The following ZBTB41 variants were observed in gnomAD, a reference collection of about 807,000 sequenced individuals.
ZBTB41 encodes the protein zinc finger and BTB domain-containing protein 41.
Under a neutral mutation model 87.6 loss-of-function variants are expected in ZBTB41, and 42 were observed. That is an observed-to-expected ratio of 0.48 (90% CI 0.37 to 0.62). ZBTB41 has a LOEUF of 0.62. ZBTB41 is among the 20% of genes least tolerant of loss of function. ZBTB41 has a pLI of 0.00. For missense variants in ZBTB41, 799 were observed against 1,078.9 expected (o/e 0.74, Z 3.63); for synonymous variants, 364 against 364.0 (o/e 1.00, Z 0.00).
chr1:197,160,060 C>T (rs1659162148), intron 10 of ZBTB41, 46 bp from the exon 11 acceptor site: 2 of 1,476,910 alleles, frequency 1.4e-6, no homozygotes, highest in Admixed American at 3.8e-5. Flanking sequence ...ATGTACTCAA[C>T]TTGATAAGAC....
intron 5 of ZBTB41, among the ~76,000 whole-genome samples, chr1:197,184,878 G>C (rs996377248): frequency 1.3e-5 from 2 of 151,834 alleles, no homozygotes; most frequent in African/African-American, 4.8e-5. Flanking sequence ...GCAATAGCGC[G>C]ATCTTGACTC....
intron 10 of ZBTB41, among the ~76,000 whole-genome samples, chr1:197,161,447 T>TTTGTTAAATATTA (rs71131745): frequency 0.77 from 116,243 of 150,374 alleles, 48,535 homozygotes; most frequent in East Asian, 1. Flanking sequence ...CAAACTATTA[T>TTTGTTAAATATTA]TTGTTAAATA....
At chr1:197,168,688 T>C (rs1160656151) in intron 10 of ZBTB41, among the ~76,000 whole-genome samples, 2 of 152,054 alleles carry the variant, frequency 1.3e-5, no homozygotes, top group Non-Finnish European at 2.9e-5. Context: ...AAAATATTAA[T>C]GACCTTGGGT....
At chr1:197,162,292 A>T (rs536419631) in intron 10 of ZBTB41, among the ~76,000 whole-genome samples, 1 of 152,284 alleles carries the variant, frequency 6.6e-6, no homozygotes, top group South Asian at 2.1e-4. Flanking sequence ...AAAGAAATAA[A>T]CCTTCTACAG....
chr1:197,161,185 T>C (rs1255491490), intron 10 of ZBTB41, among the ~76,000 whole-genome samples: 2 of 152,144 alleles, frequency 1.3e-5, no homozygotes, highest in African/African-American at 2.4e-5. Context: ...AACTATACGG[T>C]AATAAATTTG....
rs577535528 is a variant in ZBTB41, at chr1:197,192,292, T to C, written c.1121-393A>G. Reference sequence around the variant, plus strand: ...CATCATTTAAGATTTATTATGTTCATATTTTTGGTATCTCTGTGGGTCCAT... The same window carrying C: ...CATCATTTAAGATTTATTATGTTCACATTTTTGGTATCTCTGTGGGTCCAT... On this transcript the variant is annotated intron_variant, in intron 2 of 10. Coordinates refer to ENST00000367405, the MANE Select transcript of ZBTB41 (RefSeq NM_194314.3). Among the ~76,000 whole-genome samples the C allele has an allele frequency of 3.3e-5, 5 of 152,328 alleles. No individual in the cohort carries two copies. The East Asian group carries it at 9.6e-4, about 29-fold the overall frequency.
At position 197,199,842 on chromosome 1, in the gene ZBTB41, A is replaced by C. The variant is rs766633272; in HGVS notation, c.632T>G (p.Phe211Cys). The C allele has an allele frequency of 1.9e-6, 3 of 1,610,654 alleles. No homozygotes were observed. The highest frequency in any genetic ancestry group is 2.5e-6 in the Non-Finnish European group (3 of 1,178,788). ...GRLSNNHQCK[F>C]CSRHFCYKKS... ...TTTATAACAAAAATGTCTACTACAG[A>C]ATTTGCACTGATGATTATTTGATAG... Residue 211 changes from phenylalanine to cysteine, a missense_variant, in exon 2 of 11, where the codon TTC becomes TGC. Phe to Cys is a radical substitution (Grantham distance 205). Around this residue, in one of 5 missense-constraint regions of ZBTB41, gnomAD observed 294 missense variants for 340.1 expected, o/e 0.86. Transcript: ENST00000367405.
intron 10 of ZBTB41, among the ~76,000 whole-genome samples, chr1:197,161,007 A>G (rs1659188264): frequency 6.6e-6 from 1 of 152,154 alleles, no homozygotes; most frequent in African/African-American, 2.4e-5. Flanking sequence ...TCAGTTTACA[A>G]TAGGCAAGAA....
intron 5 of ZBTB41, among the ~76,000 whole-genome samples, chr1:197,188,039 C>T (rs1165066242): frequency 6.6e-6 from 1 of 152,144 alleles, no homozygotes; most frequent in African/African-American, 2.4e-5. Context: ...GATGTACCAA[C>T]GTAGGTTCTT....
chr1:197,185,784 C>T (rs577661798), intron 5 of ZBTB41, among the ~76,000 whole-genome samples: 2 of 152,102 alleles, frequency 1.3e-5, no homozygotes, highest in African/African-American at 4.8e-5. Context: ...AATCTAACAA[C>T]ATAGGTACAA....
intron 10 of ZBTB41, among the ~76,000 whole-genome samples, chr1:197,164,792 C>CGTATCTAATATATTATATATATT (rs1557975092): frequency 4.6e-5 from 1 of 21,870 alleles, no homozygotes; most frequent in African/African-American, 1.4e-4. Context: ...ATATATAATA[C>CGTATCTAATATATTATATATATT]ATATATAATA....
intron 10 of ZBTB41, among the ~76,000 whole-genome samples, chr1:197,170,634 T>C (rs974105477): frequency 6.6e-6 from 1 of 152,112 alleles, no homozygotes; most frequent in Non-Finnish European, 1.5e-5. Context: ...ATGGTGACCA[T>C]TTCTTGCAAA....
At chr1:197,168,935 G>A (rs1338011813) in intron 10 of ZBTB41, among the ~76,000 whole-genome samples, 1 of 151,896 alleles carries the variant, frequency 6.6e-6, no homozygotes, top group Non-Finnish European at 1.5e-5. Flanking sequence ...AATTAATCTA[G>A]TATTACACAA....
At chr1:197,181,765 A>G (rs1279475613) in intron 5 of ZBTB41, among the ~76,000 whole-genome samples, 1 of 152,206 alleles carries the variant, frequency 6.6e-6, no homozygotes, top group Non-Finnish European at 1.5e-5. Context: ...ATAATAGCAC[A>G]ATGGAAAGAA....
chr1:197,170,021 G>A (rs1039285437), intron 10 of ZBTB41, among the ~76,000 whole-genome samples: 16 of 151,864 alleles, frequency 1.1e-4, no homozygotes, highest in Admixed American at 9.8e-4. Flanking sequence ...AATATTTATT[G>A]AGTGCCAAAC....
intron 6 of ZBTB41, among the ~76,000 whole-genome samples, chr1:197,180,302 A>AAT (rs1396687162): frequency 2.6e-5 from 4 of 152,122 alleles, no homozygotes; most frequent in Admixed American, 1.3e-4. Flanking sequence ...AGGCTATACC[A>AAT]TCTAGGTTTG....
At chr1:197,188,490 A>G in intron 4 of ZBTB41, 51 bp from the exon 5 acceptor site, 1 of 1,477,394 alleles carries the variant, frequency 6.8e-7, no homozygotes, top group Non-Finnish European at 9.1e-7. Context: ...TAAAAATTGT[A>G]ATATTAAGCT....
intron 10 of ZBTB41, among the ~76,000 whole-genome samples, chr1:197,171,094 A>C (rs1659465490): frequency 6.6e-6 from 1 of 152,142 alleles, no homozygotes; most frequent in Non-Finnish European, 1.5e-5. Flanking sequence ...CTAAATTTCT[A>C]CTCAAGTTGT....
In ZBTB41 at chr1:197,157,303, C is replaced by A. The variant is rs1238368175; in HGVS notation, c.*2056G>T. On this transcript the variant is annotated 3_prime_UTR_variant, in exon 11 of 11. Coordinates refer to ENST00000367405, the MANE Select transcript of ZBTB41 (RefSeq NM_194314.3). ...TTTCTGCCACCAAATGTATAATATACCATATACATACATGTATATAAATAT... is the reference window on the plus strand; with the variant it reads ...TTTCTGCCACCAAATGTATAATATAACATATACATACATGTATATAAATAT... 2 of 151,726 alleles carry A rather than the reference C, an allele frequency of 1.3e-5. No individual in the cohort carries two copies. The highest frequency in any genetic ancestry group is 4.8e-5 in the African/African-American group (2 of 41,306). 9.4% of individuals were successfully genotyped at this position (151,726 alleles called of 1,614,324 possible). A position where few individuals can be genotyped will look rare whatever the true frequency, so the allele number is the denominator to read the frequency against.
Sources: allele counts gnomAD v4.1 joint callset (sites outside exome capture counted in the v4.1 genomes callset), GRCh38; gene constraint gnomAD v4.1.1; regional missense constraint gnomAD v4.1.1; transcripts MANE v1.5; gene names NCBI Gene and HGNC (gene_info 2026-07-23, HGNC 2026-07-21).